The following MAGI2 variants were observed in gnomAD, a reference collection of about 807,000 sequenced individuals.
MAGI2 encodes membrane-associated guanylate kinase, WW and PDZ domain-containing protein 2.
A neutral mutation model predicts 133.3 loss-of-function variants in MAGI2; 35 were observed. The ratio of observed to expected loss-of-function variants is 0.26; its 90% CI spans 0.20 to 0.35. The LOEUF (loss-of-function observed/expected upper bound fraction) is 0.35, where lower values mean the gene tolerates loss of function less well. MAGI2 is among the 10% of genes least tolerant of loss of function. The probability of loss-of-function intolerance (pLI) is 1.00; values close to 1 mark genes in which losing one functional copy is unlikely to be tolerated. For missense variants in MAGI2, 1,636 were observed against 1,863.4 expected, an observed-to-expected ratio of 0.88 and a Z score of 2.25; for synonymous variants, 729 against 710.6, an observed-to-expected ratio of 1.03 and a Z score of -0.41.
chr7:78,886,244 C>G (rs1796255805), intron 2 of MAGI2, among the ~76,000 whole-genome samples: 1 of 152,150 alleles, frequency 6.6e-6, no homozygotes. Context: ...GTTTAGGGGA[C>G]AAATATTTTA....
At chr7:78,356,507 T>G (rs939277033) in intron 7 of MAGI2, among the ~76,000 whole-genome samples, 1 of 152,200 alleles carries the variant, frequency 6.6e-6, no homozygotes, top group Non-Finnish European at 1.5e-5. Flanking sequence ...ATAAATGAGA[T>G]GATGGATATG....
intron 6 of MAGI2, among the ~76,000 whole-genome samples, chr7:78,440,734 T>C (rs1780668647): frequency 6.6e-6 from 1 of 152,006 alleles, no homozygotes; most frequent in African/African-American, 2.4e-5. Context: ...GGTAGATCAC[T>C]TGAGGTCAGG....
At chr7:78,469,883 T>C (rs547259610) in intron 6 of MAGI2, among the ~76,000 whole-genome samples, 1 of 152,294 alleles carries the variant, frequency 6.6e-6, no homozygotes, top group Admixed American at 6.5e-5. Flanking sequence ...TTCTTTATTT[T>C]TGCGTGCATG....
At chr7:78,672,701 G>A (rs561051101) in intron 2 of MAGI2, among the ~76,000 whole-genome samples, 1 of 152,160 alleles carries the variant, frequency 6.6e-6, no homozygotes, top group Non-Finnish European at 1.5e-5. Flanking sequence ...TTTTATCCAG[G>A]AATTTGTTGG....
intron 3 of MAGI2, among the ~76,000 whole-genome samples, chr7:78,604,777 T>G (rs1402775346): frequency 1.3e-5 from 2 of 152,252 alleles, no homozygotes; most frequent in African/African-American, 4.8e-5. Context: ...ATTGTTGTTT[T>G]ACATGAAAAC....
At chr7:78,680,727 G>A (rs1022591322) in intron 2 of MAGI2, among the ~76,000 whole-genome samples, 1 of 152,244 alleles carries the variant, frequency 6.6e-6, no homozygotes, top group East Asian at 1.9e-4. Context: ...TTGTAGAGCT[G>A]ACCTAAATCC....
chr7:78,552,443 A>G (rs1799430462), intron 3 of MAGI2, among the ~76,000 whole-genome samples: 1 of 152,196 alleles, frequency 6.6e-6, no homozygotes, highest in African/African-American at 2.4e-5. Flanking sequence ...TCGGCCTCCC[A>G]AAGTGCTGGG....
intron 1 of MAGI2, among the ~76,000 whole-genome samples, chr7:79,439,577 T>C (rs923915007): frequency 5.3e-5 from 8 of 152,144 alleles, no homozygotes; most frequent in African/African-American, 1.9e-4. Context: ...TTTTTGCCTC[T>C]CCTTCTACTC....
chr7:79,235,348 T>C (rs1391281322), intron 1 of MAGI2, among the ~76,000 whole-genome samples: 18 of 152,250 alleles, frequency 1.2e-4, no homozygotes, highest in South Asian at 1.0e-3. Context: ...GGCTGCTTTG[T>C]TTACCTAAGC....
At chr7:78,193,383 T>A (rs1464649374) in intron 12 of MAGI2, among the ~76,000 whole-genome samples, 2 of 152,152 alleles carry the variant, frequency 1.3e-5, no homozygotes, top group African/African-American at 4.8e-5. Flanking sequence ...ACTGTTAACT[T>A]TATCTTACTC....
chr7:78,465,342 G>A (rs1188352533), intron 6 of MAGI2, among the ~76,000 whole-genome samples: 1 of 152,170 alleles, frequency 6.6e-6, no homozygotes, highest in East Asian at 1.9e-4. Context: ...GGCACATAGA[G>A]ACTATGTCTA....
At chr7:78,305,787 G>T (rs774968867) in intron 9 of MAGI2, among the ~76,000 whole-genome samples, 16 of 152,050 alleles carry the variant, frequency 1.1e-4, no homozygotes, top group Non-Finnish European at 2.1e-4. Flanking sequence ...TACCTGATTG[G>T]TAATATAGTC....
At chr7:79,414,479 G>A (rs1846360463) in intron 1 of MAGI2, 1 of 152,094 alleles carries the variant, frequency 6.6e-6, no homozygotes. Flanking sequence ...GTTCATAAAT[G>A]TGACCCGTGC....
At chr7:78,419,447 A>G (rs1798597004) in intron 6 of MAGI2, among the ~76,000 whole-genome samples, 1 of 151,976 alleles carries the variant, frequency 6.6e-6, no homozygotes, top group South Asian at 2.1e-4. Context: ...GACAATGAAG[A>G]CTGGGATGGG....
At chr7:79,187,459 C>T (rs1287209227) in intron 1 of MAGI2, among the ~76,000 whole-genome samples, 1 of 151,736 alleles carries the variant, frequency 6.6e-6, no homozygotes, top group African/African-American at 2.4e-5. Flanking sequence ...CTCAGTCCAT[C>T]TACCTATTTC....
chr7:78,424,205 A>G (rs1237445602), intron 6 of MAGI2, among the ~76,000 whole-genome samples: 1 of 152,192 alleles, frequency 6.6e-6, no homozygotes, highest in Admixed American at 6.5e-5. Flanking sequence ...AGCCATGACT[A>G]AAAGGGGCCA....
intron 2 of MAGI2, among the ~76,000 whole-genome samples, chr7:78,702,442 C>T (rs1160040894): frequency 6.6e-6 from 1 of 151,842 alleles, no homozygotes; most frequent in Non-Finnish European, 1.5e-5. Context: ...TGTTTATAGT[C>T]ACTAAATAGA....
intron 2 of MAGI2, among the ~76,000 whole-genome samples, chr7:78,808,149 T>C (rs1788740476): frequency 6.6e-6 from 1 of 152,086 alleles, no homozygotes; most frequent in Admixed American, 6.5e-5. Flanking sequence ...TTTAAACAAG[T>C]GTTTAAAGGT....
At chr7:79,077,486 A>T (rs1294390840) in intron 1 of MAGI2, among the ~76,000 whole-genome samples, 1 of 149,870 alleles carries the variant, frequency 6.7e-6, no homozygotes, top group African/African-American at 2.4e-5. Context: ...GAGGCAGGAG[A>T]ATGGTGTGAA....
Sources: gnomAD v4.1 joint callset for allele counts (sites outside exome capture counted in the v4.1 genomes callset) on GRCh38, gnomAD v4.1.1 for gene constraint, MANE v1.5 for transcripts, NCBI Gene and HGNC (gene_info 2026-07-23, HGNC 2026-07-21) for gene names.